ZNF425: variants seen among roughly 807,000 people sequenced by gnomAD.
ZNF425 encodes the protein zinc finger protein 425.
A neutral mutation model predicts 17.0 loss-of-function variants in ZNF425; 21 were observed. That is an observed-to-expected ratio of 1.23 (90% CI 0.88 to 1.78). The LOEUF is 1.78. Among genes scored for constraint, ZNF425 ranks in the 40% most tolerant of loss-of-function variants. The pLI is 0.00. For synonymous variants in ZNF425, 433 were observed against 384.1 expected (o/e 1.13, Z -1.49); for missense variants, 868 against 967.3 (o/e 0.90, Z 1.36).
At chr7:149,115,687 C>CA (rs59871764) in intron 2 of ZNF425, among the ~76,000 whole-genome samples, 1,547 of 88,968 alleles carry the variant, frequency 0.017, 26 homozygotes, top group East Asian at 0.092. Context: ...GAGACTCCGT[C>CA]AAAAAAAAAA....
At position 149,118,349 on chromosome 7, in the gene ZNF425, C is replaced by G; in HGVS notation, c.19-1G>C. On this transcript the variant is annotated splice_acceptor_variant, in intron 1 of 3. Transcript: ENST00000378061. LOFTEE classifies it high-confidence loss of function. Reference sequence around the variant, plus strand: ...CCACATCATCAAATGTCACAGTTACCTGGAATCACAAATAGTATACACATA... The same window carrying G: ...CCACATCATCAAATGTCACAGTTACGTGGAATCACAAATAGTATACACATA... 1.2e-6 allele frequency: 2 copies of G among 1,614,136 alleles called. No homozygotes were observed. Among genetic ancestry groups the G allele is most frequent in the Non-Finnish European group, 1.7e-6 (2 of 1,180,024 alleles).
intron 2 of ZNF425, among the ~76,000 whole-genome samples, chr7:149,114,471 C>T (rs573045632): frequency 6.7e-6 from 1 of 150,210 alleles, no homozygotes; most frequent in Non-Finnish European, 1.5e-5. Context: ...CAGAGTGGCT[C>T]ACTGCAACCT....
Position 149,104,664 on chromosome 7 carries a change from C to T in ZNF425, c.1207G>A (p.Glu403Lys), listed in dbSNP as rs757575288. 24 of 1,613,992 alleles carry T rather than the reference C, an allele frequency of 1.5e-5. No homozygotes were observed. Among genetic ancestry groups the T allele is most frequent in the Middle Eastern group, 1.6e-4 (1 of 6,084 alleles). ...TCTCCCGTGTGAACTCTGATGTGCT[C>T]GTCCAGCTTAATCTTGTAGATGAAT... ...RKFIYKIKLDEHIRVHTGEKP... is the reference protein window; with the variant it reads ...RKFIYKIKLDKHIRVHTGEKP... The change falls in exon 4 of 4, where the codon GAG (glutamate) becomes AAG (lysine). Residue 403 changes from glutamate (E) to lysine (K), a missense_variant. Glu to Lys is a moderately conservative substitution (Grantham distance 56, BLOSUM62 1). This residue lies in a region of ZNF425 where 5 missense variants were observed against 21.4 expected (regional missense o/e 0.23). Transcript: ENST00000378061. The surrounding 1 kb of genome is among the most constrained non-coding windows in gnomAD (Gnocchi z 4.3).
Position 149,104,314 on chromosome 7 carries a change from G to C in ZNF425, c.1557C>G (p.Val519=), listed in dbSNP as rs1199263886. The change falls in exon 4 of 4, where the codon GTC becomes GTG. Residue 519 remains valine, a synonymous_variant. Coordinates refer to ENST00000378061, the MANE Select transcript of ZNF425 (RefSeq NM_001001661.3). This position sits in a 1 kb window ranked among gnomAD's most constrained non-coding sequence, Gnocchi z 4.3. The part of the protein sequence containing the change: ...QQSRLTQHLK[V]HTTEKPFSCA... Reference sequence around the variant, plus strand: ...AGGAGAACGGCTTTTCCGTGGTGTGGACCTTCAGGTGCTGCGTGAGCCGCG... The same window carrying C: ...AGGAGAACGGCTTTTCCGTGGTGTGCACCTTCAGGTGCTGCGTGAGCCGCG... 1 of 1,613,296 alleles carries C rather than the reference G, an allele frequency of 6.2e-7. No homozygotes were observed. Among genetic ancestry groups the C allele is most frequent in the Non-Finnish European group, 8.5e-7 (1 of 1,179,982 alleles).
rs772368656 is a variant in ZNF425 at position 149,104,497 on chromosome 7, G to A, written c.1374C>T (p.Arg458=). 9 of 1,596,208 alleles carry A rather than the reference G, an allele frequency of 5.6e-6. No homozygotes were observed. Among genetic ancestry groups the A allele is most frequent in the South Asian group, 3.4e-5 (3 of 88,236 alleles). ...SRGFFWRNAM[R]AHQRLHSEQK... ...GCTCGCTGTGCAGGCGCTGGTGGGC[G>A]CGCATGGCGTTCCTCCAGAAGAAGC... The change falls in exon 4 of 4, where the codon CGC becomes CGT. Residue 458 remains arginine (R), a synonymous_variant. Coordinates refer to ENST00000378061, the MANE Select transcript of ZNF425 (RefSeq NM_001001661.3). The surrounding 1 kb of genome is among the most constrained non-coding windows in gnomAD (Gnocchi z 4.3).
Position 149,105,021 on chromosome 7 carries a change from G to A in ZNF425, c.850C>T (p.Arg284Trp), listed in dbSNP as rs779921705. 124 of 1,614,074 alleles carry A rather than the reference G, an allele frequency of 7.7e-5. No individual in the cohort carries two copies. Among genetic ancestry groups the A allele is most frequent in the Non-Finnish European group, 1.0e-4 (121 of 1,180,042 alleles). ...YPCPECDKTF[R>W]YRANLKKHLC... Reference sequence around the variant, plus strand: ...TGCTTCTTCAGGTTGGCCCTGTACCGGAAGGTCTTGTCGCACTCAGGGCAT... The same window carrying A: ...TGCTTCTTCAGGTTGGCCCTGTACCAGAAGGTCTTGTCGCACTCAGGGCAT... The change falls in exon 4 of 4, where the codon CGG (arginine) becomes TGG (tryptophan). Residue 284 changes from arginine (R) to tryptophan (W), a missense_variant. By Grantham distance (101) the Arg-to-Trp change is moderately radical (BLOSUM62 -3). Coordinates refer to ENST00000378061, the MANE Select transcript of ZNF425 (RefSeq NM_001001661.3).
At chr7:149,115,276 C>A (rs1472636092) in intron 2 of ZNF425, among the ~76,000 whole-genome samples, 1 of 151,588 alleles carries the variant, frequency 6.6e-6, no homozygotes, top group East Asian at 1.9e-4. Flanking sequence ...CATTCTTGAT[C>A]AGTGAAGTGA....
At chr7:149,126,021 G>T in intron 1 of ZNF425, 175 bp downstream of exon 1, 1 of 1,330,638 alleles carries the variant, frequency 7.5e-7, no homozygotes. Flanking sequence ...TTCCAGAACA[G>T]CACACGCAGC....
chr7:149,104,255 G>A lies in ZNF425; in HGVS notation c.1616C>T (p.Ala539Val), dbSNP rs377703811. 163 of 1,613,424 alleles carry A rather than the reference G, an allele frequency of 1.0e-4. No individual in the cohort carries two copies. Among genetic ancestry groups the A allele is most frequent in the Non-Finnish European group, 1.3e-4 (159 of 1,179,840 alleles). The change falls in exon 4 of 4, where the codon GCG becomes GTG. Residue 539 changes from alanine (A) to valine (V), a missense_variant. By Grantham distance (64) the Ala-to-Val change is moderately conservative. This residue lies in a region of ZNF425 where 437 missense variants were observed against 444.2 expected (regional missense o/e 0.98). Transcript: ENST00000378061. The surrounding 1 kb of genome is among the most constrained non-coding windows in gnomAD (Gnocchi z 4.3). ...AECGRSFRRR[A>V]HLTEHTRLHS... ...AAGCCTCGTGTGCTCTGTGAGATGC[G>A]CGCGTCGGCGGAAACTGCGGCCGCA...
intron 1 of ZNF425, among the ~76,000 whole-genome samples, chr7:149,125,396 G>A (rs577654582): frequency 6.6e-6 from 1 of 152,122 alleles, no homozygotes; most frequent in Non-Finnish European, 1.5e-5. Flanking sequence ...CGGTAAATTC[G>A]ATTTACGCTA....
intron 2 of ZNF425, among the ~76,000 whole-genome samples, chr7:149,114,246 G>A (rs1385426195): frequency 2.4e-3 from 72 of 29,560 alleles, no homozygotes; most frequent in African/African-American, 4.3e-3. Flanking sequence ...TTTTTTTTTG[G>A]TATTTTTAGT....
At position 149,103,516 on chromosome 7, in the gene ZNF425, T is replaced by C. The variant is rs1826011250; in HGVS notation, c.*96A>G. ...TACAGGCGGGAGCCACTGTGCCCGA[T>C]CTTACCCTGTGAATCCTTCAACCTG... On this transcript the variant is annotated 3_prime_UTR_variant, in exon 4 of 4. Transcript: ENST00000378061. The C allele has an allele frequency of 2.8e-6, 4 of 1,450,992 alleles. No individual in the cohort carries two copies. Among genetic ancestry groups the C allele is most frequent in the Middle Eastern group, 2.2e-4 (1 of 4,474 alleles). The allele number at this position is 1,450,992 out of a possible 1,614,324, so 89.9% of individuals were successfully genotyped here.
At chr7:149,118,100 G>A in intron 2 of ZNF425, 122 bp downstream of exon 2, 1 of 1,042,780 alleles carries the variant, frequency 9.6e-7, no homozygotes, top group Non-Finnish European at 1.4e-6. Context: ...AAAGGGAGGA[G>A]ACATTATGAA....
intron 3 of ZNF425, among the ~76,000 whole-genome samples, chr7:149,106,319 C>T (rs1826082169): frequency 6.6e-6 from 1 of 151,468 alleles, no homozygotes; most frequent in East Asian, 1.9e-4. Context: ...TCTCGGCTCA[C>T]TGCAACCTCT....
Position 149,103,711 on chromosome 7 carries a change from C to A in ZNF425, c.2160G>T (p.Arg720Ser). Residue 720 changes from arginine (R) to serine (S), a missense_variant, in exon 4 of 4, where the codon AGG becomes AGT. This residue lies in a region of ZNF425 where 437 missense variants were observed against 444.2 expected (regional missense o/e 0.98). Transcript: ENST00000378061. Reference sequence around the variant, plus strand: ...TTCCACACTCATCACAAGAAAAAGGCCTCTCCCCACTGTGAAGGCACAGAT... The same window carrying A: ...TTCCACACTCATCACAAGAAAAAGGACTCTCCCCACTGTGAAGGCACAGAT... Reference protein sequence around the residue: ...KAHLCLHSGERPFSCDECGRS... With the variant: ...KAHLCLHSGESPFSCDECGRS... 1.2e-6 allele frequency: 2 copies of A among 1,614,214 alleles called. No homozygotes were observed. Among genetic ancestry groups the A allele is most frequent in the African/African-American group, 1.3e-5 (1 of 75,076 alleles).
At position 149,103,256 on chromosome 7, in the gene ZNF425, AC is replaced by A; in HGVS notation, c.*355del. On this transcript the variant is annotated 3_prime_UTR_variant, in exon 4 of 4. Coordinates refer to ENST00000378061, the MANE Select transcript of ZNF425 (RefSeq NM_001001661.3). Reference sequence around the variant, plus strand: ...TTTTGAGACAAGATCTTGCTCTGTCACCCAGGCTGGAGTGCAGTGGTGTGAG... The same window carrying A: ...TTTTGAGACAAGATCTTGCTCTGTCACCAGGCTGGAGTGCAGTGGTGTGAG... 4.9e-6 allele frequency: 1 copy of A among 206,056 alleles called. No homozygotes were observed. Among genetic ancestry groups the A allele is most frequent in the Non-Finnish European group, 9.7e-6 (1 of 103,180 alleles). 12.8% of individuals were successfully genotyped at this position (206,056 alleles called of 1,614,324 possible).
intron 2 of ZNF425, 183 bp from the exon 3 acceptor site, chr7:149,112,478 C>T (rs1826190274): frequency 1.9e-6 from 1 of 521,196 alleles, no homozygotes; most frequent in African/African-American, 1.9e-5. Flanking sequence ...ACTAAAATTA[C>T]AAAAATTAGC....
chr7:149,104,922 G>T lies in ZNF425; in HGVS notation c.949C>A (p.Leu317Ile). 1 of 1,613,770 alleles carries T rather than the reference G, an allele frequency of 6.2e-7. No individual in the cohort carries two copies. The highest frequency in any genetic ancestry group is 2.2e-5 in the East Asian group (1 of 44,880). Residue 317 changes from leucine (L) to isoleucine (I), a missense_variant, in exon 4 of 4, where the codon CTC (leucine) becomes ATC (isoleucine). This residue lies in a region of ZNF425 where 243 missense variants were observed against 265.2 expected (regional missense o/e 0.92). Coordinates refer to ENST00000378061, the MANE Select transcript of ZNF425 (RefSeq NM_001001661.3). This position sits in a 1 kb window ranked among gnomAD's most constrained non-coding sequence, Gnocchi z 4.3. ...CTGTGCAGCCGCAAGTGCTCCGTGA[G>T]CTCGCACTGCTGCACGAAGGCCCGG... ...CGRAFVQQCE[L>I]TEHLRLHSGE...
Position 149,104,570 on chromosome 7 carries a change from A to T in ZNF425, c.1301T>A (p.Leu434Gln), listed in dbSNP as rs781756684. 3.1e-6 allele frequency: 5 copies of T among 1,613,646 alleles called. No homozygotes were observed. Among genetic ancestry groups the T allele is most frequent in the Non-Finnish European group, 3.4e-6 (4 of 1,179,932 alleles). ...RLKRSLKAHG[L>Q]QHIGKRPFQC... ...GAAGGGCCGCTTCCCAATGTGCTGC[A>T]GCCCGTGGGCTTTCAGGCTTCTCTT... The change falls in exon 4 of 4, where the codon CTG (leucine) becomes CAG (glutamine). Residue 434 changes from leucine to glutamine, a missense_variant. Physicochemically the swap from Leu to Gln is moderately radical, Grantham distance 113. Transcript: ENST00000378061. This position sits in a 1 kb window ranked among gnomAD's most constrained non-coding sequence, Gnocchi z 4.3.
Sources: gnomAD v4.1 joint callset for allele counts (sites outside exome capture counted in the v4.1 genomes callset) on GRCh38, gnomAD v4.1.1 for gene constraint, gnomAD v4.1.1 regional missense constraint, Gnocchi (gnomAD v3.1) non-coding constraint, MANE v1.5 for transcripts, NCBI Gene and HGNC (gene_info 2026-07-23, HGNC 2026-07-21) for gene names.